The following UBR3 variants were observed in gnomAD, a reference collection of about 807,000 sequenced individuals.
UBR3 encodes ubiquitin protein ligase E3 component n-recognin 3.
Under a neutral mutation model 243.2 loss-of-function variants are expected in UBR3, and 85 were observed. That is an observed-to-expected ratio of 0.35 (90% CI 0.29 to 0.42). The LOEUF (loss-of-function observed/expected upper bound fraction) is 0.42. UBR3 is among the 10% of genes least tolerant of loss of function. The pLI, the probability that UBR3 is intolerant of heterozygous loss-of-function variation, is 1.00. For synonymous variants in UBR3, 748 were observed against 799.8 expected (o/e 0.94, Z 1.09); for missense variants, 1,686 against 2,300.8 (o/e 0.73, Z 5.47).
chr2:169,839,079 T>G (rs867897763), intron 1 of UBR3, among the ~76,000 whole-genome samples: 6 of 152,236 alleles, frequency 3.9e-5, no homozygotes, highest in African/African-American at 1.4e-4. Context: ...CCATGCTTAT[T>G]GCAGCACCAT....
chr2:169,974,708 G>A (rs2088342379), intron 24 of UBR3, among the ~76,000 whole-genome samples: 1 of 151,642 alleles, frequency 6.6e-6, no homozygotes, highest in South Asian at 2.1e-4. Flanking sequence ...TTTAAGTTTG[G>A]TTTATTTTTG....
At chr2:169,956,874 C>T (rs1346947984) in intron 23 of UBR3, among the ~76,000 whole-genome samples, 1 of 152,072 alleles carries the variant, frequency 6.6e-6, no homozygotes, top group Admixed American at 6.5e-5. Flanking sequence ...ATTGCATAGA[C>T]TCTCAGTTTA....
chr2:169,898,623 G>A (rs2084683536), intron 8 of UBR3, among the ~76,000 whole-genome samples: 1 of 148,504 alleles, frequency 6.7e-6, no homozygotes, highest in Non-Finnish European at 1.5e-5. Context: ...TGTAGGTATA[G>A]TGGGAGCATA....
intron 33 of UBR3, among the ~76,000 whole-genome samples, chr2:170,055,921 C>G (rs1195856191): frequency 6.6e-6 from 1 of 150,934 alleles, no homozygotes; most frequent in Admixed American, 6.6e-5. Flanking sequence ...GCCACTTTTT[C>G]TTTTTGTCCC....
chr2:169,914,967 A>T (rs1312868712), intron 11 of UBR3, among the ~76,000 whole-genome samples: 2 of 151,954 alleles, frequency 1.3e-5, no homozygotes, highest in Admixed American at 6.6e-5. Flanking sequence ...GAACGATTTG[A>T]GAGTTCAGTT....
At chr2:170,076,109 G>C (rs72876465) in intron 36 of UBR3, among the ~76,000 whole-genome samples, 22,823 of 152,048 alleles carry the variant, frequency 0.15, 1,909 homozygotes, top group Admixed American at 0.22. Flanking sequence ...CAGATTCCTG[G>C]GAGAGAGAAT....
rs148464386 is a variant in UBR3, at chr2:169,956,799, G to A, written c.3546-1639G>A. Among the ~76,000 whole-genome samples the A allele has an allele frequency of 2.9e-3, 449 of 152,250 alleles. 3 individuals carry two copies. Among genetic ancestry groups the A allele is most frequent in the African/African-American group, 0.01 (424 of 41,550 alleles). ...ACTGTATTTCATTCTTCTGAATTTT[G>A]TATGTTATATCCTTGAATCATATCA... On this transcript the variant is annotated intron_variant, in intron 23 of 38. Coordinates refer to ENST00000272793, the MANE Select transcript of UBR3 (RefSeq NM_172070.4).
intron 32 of UBR3, among the ~76,000 whole-genome samples, chr2:170,047,670 T>C (rs73975027): frequency 0.022 from 3,308 of 152,276 alleles, 116 homozygotes; most frequent in African/African-American, 0.075. Context: ...GGTTGCACTT[T>C]CTGTGGTTTT....
chr2:169,843,647 G>A (rs760943256), intron 1 of UBR3, among the ~76,000 whole-genome samples: 2 of 152,168 alleles, frequency 1.3e-5, no homozygotes, highest in African/African-American at 2.4e-5. Flanking sequence ...TAAAATCCAC[G>A]TCATGATATA....
intron 10 of UBR3, among the ~76,000 whole-genome samples, chr2:169,910,104 T>C (rs2085193768): frequency 6.6e-6 from 1 of 152,072 alleles, no homozygotes; most frequent in African/African-American, 2.4e-5. Flanking sequence ...CAAGTAGAAA[T>C]AGTGAATAGG....
chr2:169,931,088 A>C (rs1345361716), intron 18 of UBR3, among the ~76,000 whole-genome samples: 1 of 152,202 alleles, frequency 6.6e-6, no homozygotes, highest in African/African-American at 2.4e-5. Context: ...GCAGTGGCTC[A>C]CGCCTGTAAT....
At chr2:170,067,297 CCTCT>C (rs1159367548) in intron 35 of UBR3, among the ~76,000 whole-genome samples, 2 of 152,062 alleles carry the variant, frequency 1.3e-5, no homozygotes, top group Non-Finnish European at 2.9e-5. Context: ...AAATAAATTC[CCTCT>C]CTCAATAGAG....
At chr2:170,050,941 A>G (rs1235619853) in intron 32 of UBR3, among the ~76,000 whole-genome samples, 1 of 152,206 alleles carries the variant, frequency 6.6e-6, no homozygotes, top group Non-Finnish European at 1.5e-5. Flanking sequence ...AAATGCACAG[A>G]TACTCAAGTC....
At chr2:169,846,704 T>C (rs533000201) in intron 1 of UBR3, among the ~76,000 whole-genome samples, 1 of 144,428 alleles carries the variant, frequency 6.9e-6, no homozygotes, top group South Asian at 2.2e-4. Context: ...GGCAAGACTC[T>C]GTCTCAAAAA....
intron 31 of UBR3, among the ~76,000 whole-genome samples, chr2:170,033,577 A>ACCCCCCCCCCC (rs1250645725): frequency 2.5e-5 from 1 of 39,466 alleles, no homozygotes; most frequent in African/African-American, 1.5e-4. Context: ...GTTTTTCCAC[A>ACCCCCCCCCCC]CCCACCCCCC....
intron 13 of UBR3, 102 bp from the exon 14 acceptor site, chr2:169,925,517 A>T (rs935951167): frequency 3.7e-6 from 4 of 1,077,798 alleles, no homozygotes; most frequent in Non-Finnish European, 5.2e-6. Flanking sequence ...TATCGGGCTT[A>T]TACTATGATC....
At chr2:169,917,660 TTAAG>T (rs1399171480) in intron 11 of UBR3, among the ~76,000 whole-genome samples, 22 of 152,316 alleles carry the variant, frequency 1.4e-4, no homozygotes, top group Admixed American at 7.2e-4. Context: ...AGAAGAGAAA[TTAAG>T]TATAGAACTT....
chr2:169,866,150 CAAAAAAAAA>C (rs578054467), intron 1 of UBR3, among the ~76,000 whole-genome samples: 160 of 53,350 alleles, frequency 3.0e-3, no homozygotes, highest in African/African-American at 0.016. Flanking sequence ...GACTGTGTCT[CAAAAAAAAA>C]AAAAAAAAAA....
chr2:170,075,667 T>C (rs533957844), intron 36 of UBR3, among the ~76,000 whole-genome samples: 15 of 152,260 alleles, frequency 9.9e-5, no homozygotes, highest in Non-Finnish European at 1.8e-4. Flanking sequence ...TGCTCCACTC[T>C]TGTGTTCCTA....
Sources: allele counts gnomAD v4.1 joint callset (sites outside exome capture counted in the v4.1 genomes callset), GRCh38; gene constraint gnomAD v4.1.1; transcripts MANE v1.5; gene names NCBI Gene and HGNC (gene_info 2026-07-23, HGNC 2026-07-21).